Variants in MTCH2 observed in about 807,000 individuals in gnomAD.
MTCH2 encodes mitochondrial carrier homolog 2.
MTCH2 carries 25 observed loss-of-function variants against 50.6 expected under a neutral mutation model. The observed-to-expected ratio is 0.49, with a 90% CI of 0.36 to 0.69. MTCH2 has a LOEUF of 0.69. Ranked by LOEUF, MTCH2 falls within the 30% of genes least tolerant of loss-of-function variation. MTCH2 has a pLI of 0.00. For missense variants in MTCH2, 273 were observed against 384.4 expected, an observed-to-expected ratio of 0.71 and a Z score of 2.42; for synonymous variants, 106 against 132.0, an observed-to-expected ratio of 0.80 and a Z score of 1.35.
At chr11:47,621,854 C>T (rs1489739226) in intron 12 of MTCH2, among the ~76,000 whole-genome samples, 1 of 152,048 alleles carries the variant, frequency 6.6e-6, no homozygotes, top group Non-Finnish European at 1.5e-5. Context: ...GCATGAGCCA[C>T]CATACCTAGC....
rs1335053163 is a variant in MTCH2 at position 47,634,668 on chromosome 11, T to C, written c.369+4A>G. 4 of 1,607,676 alleles carry C rather than the reference T, an allele frequency of 2.5e-6. No homozygotes were observed. Among genetic ancestry groups the C allele is most frequent in the South Asian group, 2.2e-5 (2 of 90,704 alleles). Reference sequence around the variant, plus strand: ...AACAGCACAGGATGTAATTCATCTCTTACCTCCTTGATAACGTGGTCAAAG... The same window carrying C: ...AACAGCACAGGATGTAATTCATCTCCTACCTCCTTGATAACGTGGTCAAAG... On this transcript the variant is annotated splice_donor_region_variant and intron_variant, in intron 5 of 12. Transcript: ENST00000302503.
chr11:47,634,651 A>AGGAT (rs1399498176), intron 5 of MTCH2, 21 bp downstream of exon 5: 11 of 1,589,150 alleles, frequency 6.9e-6, no homozygotes, highest in Non-Finnish European at 9.5e-6. Flanking sequence ...CAAACAGCAC[A>AGGAT]GGATGTAATT....
At chr11:47,620,091 A>G (rs1016272900) in intron 12 of MTCH2, among the ~76,000 whole-genome samples, 5 of 151,944 alleles carry the variant, frequency 3.3e-5, no homozygotes, top group African/African-American at 1.2e-4. Flanking sequence ...AAAACAAAAC[A>G]AAACAAAACA....
intron 12 of MTCH2, among the ~76,000 whole-genome samples, chr11:47,621,758 G>A (rs1018364815): frequency 9.2e-5 from 14 of 151,598 alleles, no homozygotes; most frequent in African/African-American, 2.9e-4. Flanking sequence ...TAAGAGACAC[G>A]TCTGGCTGTG....
Position 47,630,587 on chromosome 11 carries a change from G to C in MTCH2, c.507C>G (p.Ile169Met), listed in dbSNP as rs371138099. ...YCGLCDSIIT[I>M]YREEGILGFF... ...ATCCTAGAATGCCCTCTTCCCGATA[G>C]ATGGTTATTATGGAATCACAAAGTC... Residue 169 changes from isoleucine to methionine, a missense_variant, in exon 8 of 13, where the codon ATC (isoleucine) becomes ATG (methionine). Ile to Met is a conservative substitution (Grantham distance 10). Transcript: ENST00000302503. 1.9e-6 allele frequency: 3 copies of C among 1,612,920 alleles called. No individual in the cohort carries two copies. Among genetic ancestry groups the C allele is most frequent in the Non-Finnish European group, 2.5e-6 (3 of 1,178,986 alleles).
chr11:47,608,085 G>A, the MTCH2 span, among the ~76,000 whole-genome samples: 1 of 152,162 alleles, frequency 6.6e-6, no homozygotes, highest in South Asian at 2.1e-4. Flanking sequence ...CCAGTCTTGG[G>A]CAAATCAATG....
chr11:47,631,467 T>C (rs1222463597), intron 6 of MTCH2, among the ~76,000 whole-genome samples, 187 bp downstream of exon 6: 1 of 151,794 alleles, frequency 6.6e-6, no homozygotes, highest in Non-Finnish European at 1.5e-5. Context: ...TTGATAGCCC[T>C]GGGAAAAAAA....
downstream of MTCH2, among the ~76,000 whole-genome samples, chr11:47,616,901 C>T (rs116956478): frequency 6.7e-3 from 1,024 of 152,164 alleles, 6 homozygotes; most frequent in Non-Finnish European, 0.011. Context: ...TCAGGATGGT[C>T]TCGAATTCTC....
intron 12 of MTCH2, 44 bp downstream of exon 12, chr11:47,622,657 A>C (rs1410584004): frequency 7.0e-7 from 1 of 1,422,714 alleles, no homozygotes; most frequent in Non-Finnish European, 9.6e-7. Context: ...AAATAAATAA[A>C]AATAAAACAA....
intron 7 of MTCH2, 79 bp from the exon 8 acceptor site, chr11:47,630,693 T>G: frequency 7.4e-7 from 1 of 1,342,728 alleles, no homozygotes. Flanking sequence ...ATTATCACAT[T>G]GGACAAGGTC....
downstream of MTCH2, among the ~76,000 whole-genome samples, chr11:47,614,027 A>T (rs1380401336): frequency 3.3e-5 from 5 of 152,106 alleles, no homozygotes; most frequent in Non-Finnish European, 7.4e-5. Flanking sequence ...TGGAGGTTGC[A>T]GTGAGCCGAG....
At position 47,622,682 on chromosome 11, in the gene MTCH2, G is replaced by C; in HGVS notation, c.825+19C>G. ...AAATAAAACAAAATAAAATGAGAGA[G>C]ACAGAGAAAAAGAAATACCTCTTTT... On this transcript the variant is annotated intron_variant, in intron 12 of 12. Transcript: ENST00000302503. The C allele has an allele frequency of 7.0e-7, 1 of 1,437,030 alleles. No individual in the cohort carries two copies. The highest frequency in any genetic ancestry group is 1.5e-5 in the South Asian group (1 of 65,136). 89.0% of individuals were successfully genotyped at this position (1,437,030 alleles called of 1,614,324 possible).
At chr11:47,625,371 C>T (rs1167767128) in intron 11 of MTCH2, among the ~76,000 whole-genome samples, 2 of 149,674 alleles carry the variant, frequency 1.3e-5, no homozygotes, top group African/African-American at 4.9e-5. Flanking sequence ...CGCAGTGAGC[C>T]GAGATCATGC....
the MTCH2 span, among the ~76,000 whole-genome samples, chr11:47,608,117 T>C: frequency 9.2e-5 from 14 of 152,224 alleles, no homozygotes; most frequent in Non-Finnish European, 1.8e-4. Flanking sequence ...GTCTCACTTT[T>C]CCACTACTAA....
At chr11:47,608,957 CAAA>C in the MTCH2 span, among the ~76,000 whole-genome samples, 4 of 45,410 alleles carry the variant, frequency 8.8e-5, no homozygotes, top group South Asian at 7.2e-4. Flanking sequence ...GACTCTGTCT[CAAA>C]AAAAAAAAAA....
intron 9 of MTCH2, among the ~76,000 whole-genome samples, chr11:47,628,256 A>G (rs907175552): frequency 1.3e-5 from 2 of 152,194 alleles, no homozygotes; most frequent in African/African-American, 4.8e-5. Flanking sequence ...AGAAAGCCCA[A>G]TACAGGCACC....
At chr11:47,642,252 G>A in intron 1 of MTCH2, 127 bp downstream of exon 1, 1 of 798,600 alleles carries the variant, frequency 1.3e-6, no homozygotes, top group Non-Finnish European at 1.9e-6. Flanking sequence ...GAGGTAAAGG[G>A]CAGCGGAGGA....
At chr11:47,634,621 A>T in intron 5 of MTCH2, 51 bp downstream of exon 5, 1 of 1,399,142 alleles carries the variant, frequency 7.1e-7, no homozygotes, top group Non-Finnish European at 1.0e-6. Context: ...CATAGTTGCA[A>T]CACCACAGTT....
downstream of MTCH2, among the ~76,000 whole-genome samples, chr11:47,616,354 ACTTTT>A (rs1352436515): frequency 6.6e-5 from 10 of 151,792 alleles, no homozygotes; most frequent in African/African-American, 2.4e-4. Flanking sequence ...GAGAACCCCT[ACTTTT>A]CTTTTTCTTT....
Sources: gnomAD v4.1 joint callset for allele counts (sites outside exome capture counted in the v4.1 genomes callset) on GRCh38, gnomAD v4.1.1 for gene constraint, MANE v1.5 for transcripts, NCBI Gene and HGNC (gene_info 2026-07-23, HGNC 2026-07-21) for gene names.